Variants in ERCC6L2 observed in about 807,000 individuals in gnomAD.
ERCC6L2 encodes the protein DNA excision repair protein ERCC-6-like 2.
Under a neutral mutation model 132.0 loss-of-function variants are expected in ERCC6L2, and 77 were observed. The ratio of observed to expected loss-of-function variants is 0.58; its 90% CI spans 0.49 to 0.71. The LOEUF is 0.71. Ranked by LOEUF, ERCC6L2 falls within the 30% of genes least tolerant of loss-of-function variation. The pLI, the probability that ERCC6L2 is intolerant of heterozygous loss-of-function variation, is 0.00. For synonymous variants in ERCC6L2, 583 were observed against 632.4 expected, an observed-to-expected ratio of 0.92 and a Z score of 1.17; for missense variants, 1,542 against 1,837.6, an observed-to-expected ratio of 0.84 and a Z score of 2.94.
chr9:95,945,731 G>A (rs1014886826), intron 12 of ERCC6L2, among the ~76,000 whole-genome samples: 47 of 152,168 alleles, frequency 3.1e-4, no homozygotes, highest in African/African-American at 1.1e-3. Flanking sequence ...CGCAACAGGT[G>A]TAAAACTTCC....
chr9:96,027,108 TACACACA>T (rs1834386695), intron 19 of ERCC6L2, among the ~76,000 whole-genome samples: 1 of 57,494 alleles, frequency 1.7e-5, no homozygotes, highest in Admixed American at 1.5e-4. Flanking sequence ...CCCCACACAC[TACACACA>T]CCACACACAC....
At chr9:95,891,047 T>C (rs547977469) in intron 2 of ERCC6L2, among the ~76,000 whole-genome samples, 1 of 152,274 alleles carries the variant, frequency 6.6e-6, no homozygotes, top group Admixed American at 6.5e-5. Context: ...ACTCTGTCTC[T>C]ACTAAAAATA....
chr9:95,971,164 G>A (rs1190133190), intron 15 of ERCC6L2, among the ~76,000 whole-genome samples: 2 of 151,910 alleles, frequency 1.3e-5, no homozygotes, highest in African/African-American at 4.8e-5. Flanking sequence ...AGGTTTTTTT[G>A]TTATTGTTGC....
chr9:95,899,820 TTTAC>T (rs1296498248), intron 3 of ERCC6L2, among the ~76,000 whole-genome samples: 1 of 152,136 alleles, frequency 6.6e-6, no homozygotes, highest in African/African-American at 2.4e-5. Flanking sequence ...TCATCTGTAG[TTTAC>T]TTAGTGCAAT....
At chr9:95,877,873 C>CT (rs950364700) in intron 1 of ERCC6L2, among the ~76,000 whole-genome samples, 1 of 151,862 alleles carries the variant, frequency 6.6e-6, no homozygotes, top group African/African-American at 2.4e-5. Flanking sequence ...CTGTGTGACT[C>CT]TGTGTTGGTC....
chr9:95,993,391 A>C (rs1833366483), intron 17 of ERCC6L2, among the ~76,000 whole-genome samples: 1 of 152,206 alleles, frequency 6.6e-6, no homozygotes, highest in Non-Finnish European at 1.5e-5. Context: ...GAAATTTTCC[A>C]TTGCACATCT....
At chr9:95,969,580 C>T (rs757193238) in intron 14 of ERCC6L2, among the ~76,000 whole-genome samples, 8 of 152,106 alleles carry the variant, frequency 5.3e-5, no homozygotes, top group South Asian at 2.1e-4. Flanking sequence ...TCTATAATAA[C>T]GGAGTTTCAA....
intron 2 of ERCC6L2, among the ~76,000 whole-genome samples, chr9:95,890,387 T>C (rs1256855066): frequency 1.3e-5 from 2 of 152,206 alleles, no homozygotes; most frequent in African/African-American, 2.4e-5. Flanking sequence ...GGTGAAAATA[T>C]TAAAATTTAT....
At chr9:96,036,001 T>C (rs1172903534) in intron 19 of ERCC6L2, among the ~76,000 whole-genome samples, 1 of 152,216 alleles carries the variant, frequency 6.6e-6, no homozygotes, top group East Asian at 1.9e-4. Context: ...AACACAATTT[T>C]AAAAGACATA....
chr9:95,915,911 A>G, intron 5 of ERCC6L2, 82 bp downstream of exon 5: 1 of 1,317,748 alleles, frequency 7.6e-7, no homozygotes, highest in Non-Finnish European at 1.0e-6. Flanking sequence ...TAGTTTCCAA[A>G]CAAACGAAAC....
chr9:96,023,616 C>T (rs1045917772), intron 19 of ERCC6L2, among the ~76,000 whole-genome samples: 6 of 152,166 alleles, frequency 3.9e-5, no homozygotes, highest in African/African-American at 9.7e-5. Context: ...GTGCTATTTC[C>T]GAATGGAGCC....
intron 19 of ERCC6L2, among the ~76,000 whole-genome samples, chr9:96,027,067 CACACCACAT>C (rs1290395975): frequency 3.4e-5 from 5 of 147,730 alleles, no homozygotes; most frequent in Admixed American, 6.8e-5. Flanking sequence ...ACACACCACA[CACACCACAT>C]ACCCCACACA....
intron 17 of ERCC6L2, among the ~76,000 whole-genome samples, chr9:96,000,401 T>C (rs1390831640): frequency 6.6e-6 from 1 of 152,148 alleles, no homozygotes; most frequent in Non-Finnish European, 1.5e-5. Context: ...ATATAAGTTA[T>C]AGAGGTAAAT....
intron 9 of ERCC6L2, among the ~76,000 whole-genome samples, chr9:95,925,374 G>GGTCAT (rs1263835259): frequency 2.6e-5 from 4 of 152,088 alleles, no homozygotes; most frequent in African/African-American, 9.7e-5. Flanking sequence ...GTCACACAAG[G>GGTCAT]GTCATGTTCA....
At chr9:95,982,711 G>GTA (rs76411025) in intron 17 of ERCC6L2, among the ~76,000 whole-genome samples, 2,817 of 151,388 alleles carry the variant, frequency 0.019, 85 homozygotes, top group African/African-American at 0.063. Context: ...TAAAATATGT[G>GTA]TATATATATA....
At chr9:96,033,678 G>T (rs960729961) in intron 19 of ERCC6L2, among the ~76,000 whole-genome samples, 1 of 152,210 alleles carries the variant, frequency 6.6e-6, no homozygotes, top group African/African-American at 2.4e-5. Flanking sequence ...AAGAAGAGCT[G>T]GGTCTTGGAA....
At chr9:96,000,881 C>T (rs553837160) in intron 17 of ERCC6L2, among the ~76,000 whole-genome samples, 1 of 152,308 alleles carries the variant, frequency 6.6e-6, no homozygotes, top group African/African-American at 2.4e-5. Flanking sequence ...GGTTCTTGGT[C>T]TCACTGACTT....
intron 2 of ERCC6L2, among the ~76,000 whole-genome samples, chr9:95,886,634 C>T (rs1471988626): frequency 6.6e-6 from 1 of 152,118 alleles, no homozygotes; most frequent in Non-Finnish European, 1.5e-5. Context: ...CACTCTGGGC[C>T]AGGCACTGTG....
intron 11 of ERCC6L2, among the ~76,000 whole-genome samples, chr9:95,935,610 T>G (rs1830520119): frequency 6.6e-6 from 1 of 152,188 alleles, no homozygotes; most frequent in Admixed American, 6.5e-5. Flanking sequence ...GCTTTGTTAA[T>G]GACACCTGAA....
Sources: gnomAD v4.1 joint callset for allele counts (sites outside exome capture counted in the v4.1 genomes callset) on GRCh38, gnomAD v4.1.1 for gene constraint, MANE v1.5 for transcripts, NCBI Gene and HGNC (gene_info 2026-07-23, HGNC 2026-07-21) for gene names.